SLC24A3: variants seen among roughly 807,000 people sequenced by gnomAD.
SLC24A3 encodes the protein sodium/potassium/calcium exchanger 3.
A neutral mutation model predicts 75.8 loss-of-function variants in SLC24A3; 28 were observed. The ratio of observed to expected loss-of-function variants is 0.37; its 90% CI spans 0.27 to 0.51. The LOEUF (loss-of-function observed/expected upper bound fraction) is 0.51, where lower values mean the gene tolerates loss of function less well. Among genes scored for constraint, SLC24A3 ranks in the 20% least tolerant of loss-of-function variants. The pLI is 0.94. For missense variants in SLC24A3, 663 were observed against 847.8 expected (o/e 0.78, Z 2.71); for synonymous variants, 372 against 334.1 (o/e 1.11, Z -1.24).
At chr20:19,336,479 G>C (rs972750712) in intron 2 of SLC24A3, among the ~76,000 whole-genome samples, 1 of 151,880 alleles carries the variant, frequency 6.6e-6, no homozygotes, top group Non-Finnish European at 1.5e-5. Context: ...TCCGCCTCCC[G>C]GGTTCAAGCG....
At chr20:19,719,501 G>A (rs979260818) in intron 16 of SLC24A3, among the ~76,000 whole-genome samples, 13 of 152,010 alleles carry the variant, frequency 8.6e-5, no homozygotes, top group African/African-American at 2.9e-4. Flanking sequence ...AGGCAGGGAG[G>A]TGGGGTTGGG....
In SLC24A3 at chr20:19,540,456, A is replaced by G. The variant is rs183337718; in HGVS notation, c.348+24892A>G. Reference sequence around the variant, plus strand: ...CCTGAACACCCATTTTTTAAATGCAAACTAATTCTTCAGTCTGCCTTGGAA... The same window carrying G: ...CCTGAACACCCATTTTTTAAATGCAGACTAATTCTTCAGTCTGCCTTGGAA... On this transcript the variant is annotated intron_variant, in intron 3 of 16. Coordinates refer to ENST00000328041, the MANE Select transcript of SLC24A3 (RefSeq NM_020689.4). Among the ~76,000 whole-genome samples, 9 of 152,294 alleles carry G rather than the reference A, an allele frequency of 5.9e-5. No homozygotes were observed. The East Asian group carries it at 7.7e-4, about 13-fold the overall frequency.
chr20:19,520,348 G>A (rs938492525), intron 3 of SLC24A3, among the ~76,000 whole-genome samples: 50 of 152,274 alleles, frequency 3.3e-4, no homozygotes, highest in African/African-American at 1.2e-3. Context: ...TGAGCTGTTG[G>A]AGTTGCTGCC....
intron 6 of SLC24A3, among the ~76,000 whole-genome samples, chr20:19,591,199 A>G (rs1200656216): frequency 6.6e-6 from 1 of 152,144 alleles, no homozygotes; most frequent in Non-Finnish European, 1.5e-5. Context: ...TCTCTGTGTT[A>G]GCTTTGATCT....
At chr20:19,610,860 G>T (rs1441106819) in intron 6 of SLC24A3, among the ~76,000 whole-genome samples, 1 of 152,220 alleles carries the variant, frequency 6.6e-6, no homozygotes, top group Non-Finnish European at 1.5e-5. Context: ...GGCCATGTGA[G>T]GGCAGAGTGG....
chr20:19,552,912 C>T (rs1054138389), intron 3 of SLC24A3, among the ~76,000 whole-genome samples: 14 of 152,084 alleles, frequency 9.2e-5, no homozygotes, highest in African/African-American at 3.1e-4. Flanking sequence ...GATCTGTAAA[C>T]CACAACCAGC....
At chr20:19,666,889 T>C (rs893591199) in intron 8 of SLC24A3, among the ~76,000 whole-genome samples, 3 of 152,246 alleles carry the variant, frequency 2.0e-5, no homozygotes, top group Admixed American at 2.0e-4. Context: ...TCAAGCATGT[T>C]TGAAATGGAA....
chr20:19,629,822 G>A lies in SLC24A3; in HGVS notation c.613-24240G>A, dbSNP rs557519890. ...AAAAACTGCCATTCATTAATCATGG[G>A]GAAATTAAGATTTTCTCAGATAAAT... is the stretch of plus-strand genomic sequence containing the variant. On this transcript the variant is annotated intron_variant, in intron 6 of 16. Transcript: ENST00000328041. Among the ~76,000 whole-genome samples, 45 of 152,214 alleles carry A rather than the reference G, an allele frequency of 3.0e-4. 1 individual carries two copies. In the South Asian group the frequency reaches 4.4e-3, roughly 15 times the overall value.
intron 2 of SLC24A3, among the ~76,000 whole-genome samples, chr20:19,323,205 C>CAAAAA (rs1172583632): frequency 1.6e-5 from 1 of 61,082 alleles, no homozygotes; most frequent in Non-Finnish European, 3.5e-5. Context: ...GACTCCGTCT[C>CAAAAA]AAAAAAAAAA....
At chr20:19,663,948 T>A (rs2032368689) in intron 7 of SLC24A3, among the ~76,000 whole-genome samples, 1 of 152,204 alleles carries the variant, frequency 6.6e-6, no homozygotes, top group Non-Finnish European at 1.5e-5. Flanking sequence ...AAGCTTTTCC[T>A]TTGCAGAATC....
At chr20:19,294,900 C>A (rs764468154) in intron 2 of SLC24A3, among the ~76,000 whole-genome samples, 14 of 152,200 alleles carry the variant, frequency 9.2e-5, no homozygotes, top group Non-Finnish European at 2.1e-4. Context: ...TACATTCCCA[C>A]CAACAGTGTA....
At position 19,346,160 on chromosome 20, in the gene SLC24A3, G is replaced by GTA. The variant is rs200564937; in HGVS notation, c.271+65081_271+65082dup. Among the ~76,000 whole-genome samples, 68 of 43,018 alleles carry GTA rather than the reference G, an allele frequency of 1.6e-3. 22 individuals carry two copies. The highest frequency in any genetic ancestry group is 0.012 in the African/African-American group (56 of 4,664). 28.2% of individuals were successfully genotyped at this position (43,018 alleles called of 152,430 possible). ...TATGGTGTGTGTATATATATATGGT[G>GTA]TATATATATGGTATATATATATGGT... On this transcript the variant is annotated intron_variant, in intron 2 of 16. Transcript: ENST00000328041.
intron 1 of SLC24A3, among the ~76,000 whole-genome samples, chr20:19,222,683 T>C (rs943137186): frequency 6.6e-6 from 1 of 152,136 alleles, no homozygotes; most frequent in African/African-American, 2.4e-5. Context: ...ATAATTTATT[T>C]AGATATATAG....
At chr20:19,271,282 G>A (rs1431898263) in intron 1 of SLC24A3, among the ~76,000 whole-genome samples, 5 of 151,628 alleles carry the variant, frequency 3.3e-5, no homozygotes, top group South Asian at 4.2e-4. Context: ...TAAACCCACA[G>A]TGTGATACTA....
At chr20:19,401,789 C>T (rs1039717258) in intron 2 of SLC24A3, among the ~76,000 whole-genome samples, 1 of 152,202 alleles carries the variant, frequency 6.6e-6, no homozygotes, top group Non-Finnish European at 1.5e-5. Flanking sequence ...CAAATGATGA[C>T]TGCGGGAATT....
rs114328942 is a variant in SLC24A3 at position 19,285,400 on chromosome 20, C to A, written c.271+4313C>A. ...GGCTGAGGTGGAAGGATCAACTGAG[C>A]CTGGGAGATGGAGGTTGCAGTGAGC... On this transcript the variant is annotated intron_variant, in intron 2 of 16. Coordinates refer to ENST00000328041, the MANE Select transcript of SLC24A3 (RefSeq NM_020689.4). Among the ~76,000 whole-genome samples, 186 of 139,720 alleles carry A rather than the reference C, an allele frequency of 1.3e-3. 1 individual carries two copies. Among genetic ancestry groups the A allele is most frequent in the African/African-American group, 4.4e-3 (167 of 38,004 alleles). 91.7% of individuals were successfully genotyped at this position (139,720 alleles called of 152,430 possible).
In SLC24A3 at chr20:19,449,140, T is replaced by A. The variant is rs1233759357; in HGVS notation, c.272-66348T>A. ...GCAACATCCAGGGACTCCATGGCGG[T>A]AGAACTGGATGAAATGCCTCTCAGA... On this transcript the variant is annotated intron_variant, in intron 2 of 16. Transcript: ENST00000328041. Among the ~76,000 whole-genome samples the A allele has an allele frequency of 2.6e-5, 4 of 152,142 alleles. No homozygotes were observed. The East Asian group carries it at 7.7e-4, about 29-fold the overall frequency.
chr20:19,633,027 T>A (rs1324089442), intron 6 of SLC24A3, among the ~76,000 whole-genome samples: 1 of 152,326 alleles, frequency 6.6e-6, no homozygotes. Context: ...GACTTTTGAG[T>A]CATTCAGCTG....
At chr20:19,515,812 C>T (rs1438515556) in intron 3 of SLC24A3, among the ~76,000 whole-genome samples, 1 of 152,186 alleles carries the variant, frequency 6.6e-6, no homozygotes, top group Non-Finnish European at 1.5e-5. Context: ...ACTCTAAAGT[C>T]AAACAGCCCC....
Sources: gnomAD v4.1 joint callset for allele counts (sites outside exome capture counted in the v4.1 genomes callset) on GRCh38, gnomAD v4.1.1 for gene constraint, MANE v1.5 for transcripts, NCBI Gene and HGNC (gene_info 2026-07-23, HGNC 2026-07-21) for gene names.